The following ERP44 variants were observed in gnomAD, a reference collection of about 807,000 sequenced individuals.
The protein encoded by ERP44 is endoplasmic reticulum protein 44, also known as endoplasmic reticulum resident protein 44.
ERP44 carries 25 observed loss-of-function variants against 53.4 expected under a neutral mutation model. The ratio of observed to expected loss-of-function variants is 0.47; its 90% CI spans 0.34 to 0.65. The LOEUF is 0.65. ERP44 is among the 30% of genes least tolerant of loss of function. ERP44 has a pLI of 0.01. For missense variants in ERP44, 338 were observed against 493.2 expected (o/e 0.69, Z 2.98); for synonymous variants, 145 against 161.2 (o/e 0.90, Z 0.76).
intron 6 of ERP44, among the ~76,000 whole-genome samples, chr9:100,020,096 G>A (rs1830570903): frequency 6.6e-6 from 1 of 152,178 alleles, no homozygotes; most frequent in South Asian, 2.1e-4. Flanking sequence ...ACACAAGCAG[G>A]AACAACTGAT....
At chr9:100,027,732 T>C (rs965934357) in intron 4 of ERP44, among the ~76,000 whole-genome samples, 8 of 152,114 alleles carry the variant, frequency 5.3e-5, no homozygotes, top group Non-Finnish European at 1.0e-4. Context: ...AATGGGGAAA[T>C]TGCCTCATAC....
At chr9:100,029,205 AGCTTCTGTAGG>A (rs1825745945) in intron 4 of ERP44, among the ~76,000 whole-genome samples, 1 of 152,260 alleles carries the variant, frequency 6.6e-6, no homozygotes, top group African/African-American at 2.4e-5. Context: ...CAAACTAAAA[AGCTTCTGTAGG>A]GCAAGGGAAA....
At chr9:100,092,619 T>C (rs1239568643) in intron 1 of ERP44, among the ~76,000 whole-genome samples, 1 of 152,236 alleles carries the variant, frequency 6.6e-6, no homozygotes, top group Non-Finnish European at 1.5e-5. Flanking sequence ...CCACTGTTCA[T>C]AAACTCTATC....
chr9:100,052,511 C>G lies in ERP44; in HGVS notation c.192G>C (p.Leu64Phe). 6.2e-7 allele frequency: 1 copy of G among 1,605,306 alleles called. No homozygotes were observed. The highest frequency in any genetic ancestry group is 1.1e-5 in the South Asian group (1 of 90,492). Residue 64 changes from leucine (L) to phenylalanine (F), a missense_variant, in exon 4 of 12, where the codon TTG (leucine) becomes TTC (phenylalanine). Physicochemically the swap from Leu to Phe is conservative, Grantham distance 22 (BLOSUM62 0). This residue lies in a region of ERP44 where 224 missense variants were observed against 301.4 expected (regional missense o/e 0.74). Transcript: ENST00000262455. ...CGGAAGCTTCCTCAAAAATTGGATG[C>G]AACATCTGACTGAAACGACACCTAT... The part of the protein sequence containing the change: ...YADWCRFSQM[L>F]HPIFEEASDV...
chr9:100,057,473 AC>A (rs746276206), intron 3 of ERP44, among the ~76,000 whole-genome samples: 40 of 152,310 alleles, frequency 2.6e-4, no homozygotes, highest in Non-Finnish European at 3.2e-4. Flanking sequence ...TTCCTTCTAA[AC>A]TTGACATACC....
intron 1 of ERP44, among the ~76,000 whole-genome samples, chr9:100,093,883 C>A (rs7868446): frequency 0.21 from 31,580 of 152,164 alleles, 5,562 homozygotes; most frequent in African/African-American, 0.48. Context: ...TGACATTATA[C>A]CTTTTTAATC....
At position 99,982,618 on chromosome 9, in the gene ERP44, C is replaced by T. The variant is rs147706164; in HGVS notation, c.1215G>A (p.Glu405=). The T allele has an allele frequency of 7.9e-4, 1,225 of 1,544,072 alleles. 5 individuals are homozygous for T. Among genetic ancestry groups the T allele is most frequent in the Admixed American group, 1.4e-3 (66 of 48,734 alleles). The part of the protein sequence containing the change: ...YRYTLLRDRD[E]L ...CAAACTGTTTTTCAAGTTTTTAAAG[C>T]TCATCTCGATCCCTCAATAGAGTAT... Residue 405 remains glutamate (E), a synonymous_variant, in exon 12 of 12, where the codon GAG becomes GAA. Transcript: ENST00000262455.
intron 1 of ERP44, among the ~76,000 whole-genome samples, chr9:100,097,419 G>A (rs1290120179): frequency 6.6e-6 from 1 of 151,824 alleles, no homozygotes; most frequent in South Asian, 2.1e-4. Flanking sequence ...GATAAGATTA[G>A]TATCCAGTCT....
At chr9:100,048,561 A>G (rs1441597943) in intron 4 of ERP44, among the ~76,000 whole-genome samples, 1 of 152,146 alleles carries the variant, frequency 6.6e-6, no homozygotes, top group Non-Finnish European at 1.5e-5. Flanking sequence ...TCTCAAAGAG[A>G]TATTAGTACA....
At chr9:100,055,138 C>T (rs1826075497) in intron 3 of ERP44, among the ~76,000 whole-genome samples, 1 of 151,816 alleles carries the variant, frequency 6.6e-6, no homozygotes, top group African/African-American at 2.4e-5. Context: ...ATTATAATAC[C>T]TACCTACAGA....
chr9:100,046,375 A>C (rs777535544), intron 4 of ERP44, among the ~76,000 whole-genome samples: 2 of 152,208 alleles, frequency 1.3e-5, no homozygotes, highest in Admixed American at 6.5e-5. Context: ...AATAAAATCC[A>C]AATGTGCCAT....
At position 100,052,374 on chromosome 9, in the gene ERP44, G is replaced by A. The variant is rs368051901; in HGVS notation, c.286+43C>T. 7.3e-6 allele frequency: 7 copies of A among 952,440 alleles called. No individual in the cohort carries two copies. In the East Asian group the frequency reaches 1.4e-4, roughly 19 times the overall value. 59.0% of individuals were successfully genotyped at this position (952,440 alleles called of 1,614,324 possible). A position where few individuals can be genotyped will look rare whatever the true frequency, so the allele number is the denominator to read the frequency against. On this transcript the variant is annotated intron_variant, in intron 4 of 11. Coordinates refer to ENST00000262455, the MANE Select transcript of ERP44 (RefSeq NM_015051.3). ...AAAATGTGTATGTGTGCCTGTGTTT[G>A]GGATGGGACAGTCTCTTCTAGACTT...
intron 1 of ERP44, among the ~76,000 whole-genome samples, chr9:100,079,666 G>A (rs1028947605): frequency 2.0e-5 from 3 of 152,126 alleles, no homozygotes; most frequent in Non-Finnish European, 4.4e-5. Flanking sequence ...AATCAGGCCA[G>A]GAGCAGTGGC....
intron 10 of ERP44, among the ~76,000 whole-genome samples, chr9:100,002,750 G>T (rs932524589): frequency 6.6e-6 from 1 of 151,954 alleles, no homozygotes; most frequent in African/African-American, 2.4e-5. Flanking sequence ...GCTGCTTTCA[G>T]AATCTTCCCT....
In ERP44 at chr9:100,098,829, G is replaced by C. The variant is rs553520783; in HGVS notation, c.12C>G (p.Ala4=). Residue 4 remains alanine, a synonymous_variant, in exon 1 of 12, where the codon GCC becomes GCG. Transcript: ENST00000262455. Reference sequence around the variant, plus strand: ...TGAGGTCGGGTAAGGATAGGAAGACGGCAGGATGCATGGTAACGCTGGGGT... The same window carrying C: ...TGAGGTCGGGTAAGGATAGGAAGACCGCAGGATGCATGGTAACGCTGGGGT... MHP[A]VFLSLPDLRC... The C allele has an allele frequency of 1.7e-4, 279 of 1,613,588 alleles. 9 individuals carry two copies. In the South Asian group the frequency reaches 2.9e-3, roughly 17 times the overall value.
intron 8 of ERP44, among the ~76,000 whole-genome samples, chr9:100,011,176 G>A (rs1434905261): frequency 6.6e-6 from 1 of 152,124 alleles, no homozygotes; most frequent in Non-Finnish European, 1.5e-5. Flanking sequence ...AAGTATGAAT[G>A]TGCATTAAAA....
chr9:100,000,919 G>C (rs1004127102), intron 10 of ERP44, among the ~76,000 whole-genome samples: 1 of 151,472 alleles, frequency 6.6e-6, no homozygotes, highest in African/African-American at 2.4e-5. Flanking sequence ...TCTTTTTCTA[G>C]TTCCTTGAGA....
At chr9:100,026,760 G>GTCAACA (rs1216972674) in intron 4 of ERP44, among the ~76,000 whole-genome samples, 2 of 152,134 alleles carry the variant, frequency 1.3e-5, no homozygotes, top group Non-Finnish European at 2.9e-5. Context: ...TGCCTACTTT[G>GTCAACA]TCAACAAGAA....
intron 1 of ERP44, among the ~76,000 whole-genome samples, chr9:100,066,913 G>T (rs1463370547): frequency 6.6e-6 from 1 of 152,150 alleles, no homozygotes; most frequent in Non-Finnish European, 1.5e-5. Flanking sequence ...ATTCCCAGAA[G>T]CACTATAATG....
Sources: gnomAD v4.1 joint callset for allele counts (sites outside exome capture counted in the v4.1 genomes callset) on GRCh38, gnomAD v4.1.1 for gene constraint, gnomAD v4.1.1 regional missense constraint, MANE v1.5 for transcripts, NCBI Gene and HGNC (gene_info 2026-07-23, HGNC 2026-07-21) for gene names.